The following PELI1 variants were observed in gnomAD, a reference collection of about 807,000 sequenced individuals.
The protein encoded by PELI1 is E3 ubiquitin-protein ligase pellino homolog 1.
A neutral mutation model predicts 41.3 loss-of-function variants in PELI1; 15 were observed. The ratio of observed to expected loss-of-function variants is 0.36; its 90% CI spans 0.24 to 0.56. The LOEUF is 0.56. PELI1 is among the 20% of genes least tolerant of loss of function. The probability of loss-of-function intolerance (pLI) is 0.82; values close to 1 mark genes in which losing one functional copy is unlikely to be tolerated. For synonymous variants in PELI1, 178 were observed against 180.1 expected, an observed-to-expected ratio of 0.99 and a Z score of 0.09; for missense variants, 403 against 525.5, an observed-to-expected ratio of 0.77 and a Z score of 2.28.
intron 3 of PELI1, among the ~76,000 whole-genome samples, 184 bp from the exon 4 acceptor site, chr2:64,100,683 G>A (rs116071906): frequency 0.019 from 2,824 of 152,166 alleles, 41 homozygotes; most frequent in African/African-American, 0.035. Flanking sequence ...GTTGAATGGG[G>A]TACTGAAGAA....
At chr2:64,125,702 T>C (rs1681360897) in intron 1 of PELI1, among the ~76,000 whole-genome samples, 2 of 152,236 alleles carry the variant, frequency 1.3e-5, no homozygotes, top group African/African-American at 2.4e-5. Context: ...ATAACTAATA[T>C]ACCTAGGTTA....
At chr2:64,115,927 T>G (rs1680974998) in intron 1 of PELI1, among the ~76,000 whole-genome samples, 1 of 152,240 alleles carries the variant, frequency 6.6e-6, no homozygotes, top group Non-Finnish European at 1.5e-5. Context: ...TTCCTCAATG[T>G]TCATTGTATT....
At chr2:64,131,188 A>G (rs1681541693) in intron 1 of PELI1, among the ~76,000 whole-genome samples, 3 of 152,100 alleles carry the variant, frequency 2.0e-5, no homozygotes, top group Admixed American at 1.3e-4. Context: ...TTTCATTACT[A>G]AAGCTAATAG....
chr2:64,094,592 T>A lies in PELI1; in HGVS notation c.*110A>T. ...TATAAATGTTTTAAAAAATTCTTCA[T>A]CTTAATGCAAATGACCAGAGCAGAA... On this transcript the variant is annotated 3_prime_UTR_variant, in exon 7 of 7. Coordinates refer to ENST00000358912, the MANE Select transcript of PELI1 (RefSeq NM_020651.4). 2 of 656,578 alleles carry A rather than the reference T, an allele frequency of 3.0e-6. No homozygotes were observed. The highest frequency in any genetic ancestry group is 5.2e-5 in the South Asian group (2 of 38,490). 40.7% of individuals were successfully genotyped at this position (656,578 alleles called of 1,614,324 possible).
chr2:64,093,893 G>A lies in PELI1; in HGVS notation c.*809C>T, dbSNP rs887209401. 6.6e-6 allele frequency: 1 copy of A among 152,498 alleles called. No individual in the cohort carries two copies. Among genetic ancestry groups the A allele is most frequent in the Non-Finnish European group, 1.5e-5 (1 of 68,024 alleles). The allele number at this position is 152,498 out of a possible 1,614,324, so 9.4% of individuals were successfully genotyped here. On this transcript the variant is annotated 3_prime_UTR_variant, in exon 7 of 7. Transcript: ENST00000358912. ...TGCTGCTGATACTAAAAACAGATTA[G>A]TTATCATGGGAGAAAAATAGATAAT...
chr2:64,097,060 A>C (rs985761293), intron 4 of PELI1, among the ~76,000 whole-genome samples: 51 of 152,358 alleles, frequency 3.3e-4, no homozygotes, highest in Admixed American at 3.1e-3. Flanking sequence ...AATACCACTT[A>C]CGTTAAGCTG....
intron 1 of PELI1, among the ~76,000 whole-genome samples, chr2:64,136,254 G>A (rs574031312): frequency 1.3e-5 from 2 of 152,184 alleles, no homozygotes; most frequent in Admixed American, 1.3e-4. Context: ...GGAAAGCCCA[G>A]GAATTAAATA....
chr2:64,143,118 A>T (rs963528189), intron 1 of PELI1: 2 of 152,200 alleles, frequency 1.3e-5, no homozygotes, highest in Admixed American at 6.5e-5. Context: ...GTACATTTTT[A>T]AAAAACCTCT....
At position 64,144,241 on chromosome 2, in the gene PELI1, C is replaced by G. The variant is rs1002646670; in HGVS notation, c.-230G>C. 6.6e-6 allele frequency: 1 copy of G among 152,356 alleles called. No homozygotes were observed. The highest frequency in any genetic ancestry group is 1.9e-4 in the East Asian group (1 of 5,168). 9.4% of individuals were successfully genotyped at this position (152,356 alleles called of 1,614,324 possible). On this transcript the variant is annotated 5_prime_UTR_variant, in exon 1 of 7. Transcript: ENST00000358912. ...AGCGAGGGGAAGTTGACCACGGAGCCGAGCGCTGAGGAGCCGCGGACGCAG... is the reference window on the plus strand; with the variant it reads ...AGCGAGGGGAAGTTGACCACGGAGCGGAGCGCTGAGGAGCCGCGGACGCAG...
At position 64,093,900 on chromosome 2, in the gene PELI1, TG is replaced by T. The variant is rs1328096884; in HGVS notation, c.*801del. 2.6e-5 allele frequency: 4 copies of T among 152,612 alleles called. No individual in the cohort carries two copies. The highest frequency in any genetic ancestry group is 9.6e-5 in the African/African-American group (4 of 41,454). 9.5% of individuals were successfully genotyped at this position (152,612 alleles called of 1,614,324 possible). A position where few individuals can be genotyped will look rare whatever the true frequency, so the allele number is the denominator to read the frequency against. The stretch of plus-strand genomic sequence containing the variant: ...GATACTAAAAACAGATTAGTTATCA[TG>T]GGAGAAAAATAGATAATCTAGATTA... On this transcript the variant is annotated 3_prime_UTR_variant, in exon 7 of 7. Transcript: ENST00000358912.
intron 1 of PELI1, among the ~76,000 whole-genome samples, chr2:64,127,844 C>T (rs1463800135): frequency 6.6e-6 from 1 of 152,164 alleles, no homozygotes; most frequent in East Asian, 1.9e-4. Flanking sequence ...GGACTGACCA[C>T]TAGACAGGAC....
At chr2:64,127,800 G>T (rs181295512) in intron 1 of PELI1, among the ~76,000 whole-genome samples, 3 of 152,258 alleles carry the variant, frequency 2.0e-5, no homozygotes, top group African/African-American at 7.2e-5. Context: ...ACCCCTGAAA[G>T]TTGAAATTTA....
At chr2:64,120,962 T>A (rs1385828544) in intron 1 of PELI1, among the ~76,000 whole-genome samples, 6 of 152,212 alleles carry the variant, frequency 3.9e-5, no homozygotes, top group African/African-American at 1.4e-4. Flanking sequence ...TGAACCACCC[T>A]TTATCACACA....
At chr2:64,095,418 T>C (rs2103657433) in intron 6 of PELI1, 150 bp from the exon 7 acceptor site, 1 of 608,832 alleles carries the variant, frequency 1.6e-6, no homozygotes, top group Non-Finnish European at 3.0e-6. Flanking sequence ...TTATGAAAAA[T>C]GTTAAGTTTG....
intron 1 of PELI1, among the ~76,000 whole-genome samples, chr2:64,110,509 AAAAT>A (rs1486462651): frequency 6.6e-6 from 1 of 152,214 alleles, no homozygotes; most frequent in African/African-American, 2.4e-5. Flanking sequence ...AACTAAACAG[AAAAT>A]AAATAAATAA....
chr2:64,106,833 T>C (rs190496550), intron 2 of PELI1, among the ~76,000 whole-genome samples: 37 of 152,326 alleles, frequency 2.4e-4, no homozygotes, highest in East Asian at 1.7e-3. Context: ...ATTCTCACTT[T>C]AACAACCTGA....
chr2:64,141,624 C>T (rs1273674134), intron 1 of PELI1, among the ~76,000 whole-genome samples: 1 of 152,132 alleles, frequency 6.6e-6, no homozygotes, highest in Non-Finnish European at 1.5e-5. Flanking sequence ...CATAATACAT[C>T]ATATTCTGAA....
rs146608992 is a variant in PELI1 at position 64,130,718 on chromosome 2, A to T, written c.-70+13363T>A. ...TTTAATTTGGTGCATAAAAAAGCAT[A>T]CATATTTCTATAAAATTTATTCAAG... On this transcript the variant is annotated intron_variant, in intron 1 of 6. Transcript: ENST00000358912. 5.9e-5 allele frequency among the ~76,000 whole-genome samples: 9 copies of T among 152,352 alleles called. No individual in the cohort carries two copies. In the East Asian group the frequency reaches 1.7e-3, roughly 29 times the overall value.
intron 1 of PELI1, among the ~76,000 whole-genome samples, chr2:64,129,935 T>G (rs1203995670): frequency 6.6e-6 from 1 of 152,208 alleles, no homozygotes; most frequent in Non-Finnish European, 1.5e-5. Flanking sequence ...ACTGATTACC[T>G]CTCCAGAGAC....
Sources: allele counts gnomAD v4.1 joint callset (sites outside exome capture counted in the v4.1 genomes callset), GRCh38; gene constraint gnomAD v4.1.1; transcripts MANE v1.5; gene names NCBI Gene and HGNC (gene_info 2026-07-23, HGNC 2026-07-21).